CMYA5: variants seen among roughly 807,000 people sequenced by gnomAD.
CMYA5 encodes cardiomyopathy associated 5, also known as cardiomyopathy-associated protein 5.
A neutral mutation model predicts 318.9 loss-of-function variants in CMYA5; 246 were observed. The ratio of observed to expected loss-of-function variants is 0.77; its 90% CI spans 0.70 to 0.86. CMYA5 has a LOEUF of 0.86. Among genes scored for constraint, CMYA5 ranks in the 40% least tolerant of loss-of-function variants. The pLI, the probability that CMYA5 is intolerant of heterozygous loss-of-function variation, is 0.00. For missense variants in CMYA5, 4,589 were observed against 4,678.2 expected, an observed-to-expected ratio of 0.98 and a Z score of 0.56; for synonymous variants, 1,641 against 1,729.5, an observed-to-expected ratio of 0.95 and a Z score of 1.27.
At chr5:79,742,167 C>T (rs1229583556) in intron 2 of CMYA5, among the ~76,000 whole-genome samples, 1 of 143,770 alleles carries the variant, frequency 7.0e-6, no homozygotes, top group Non-Finnish European at 1.5e-5. Flanking sequence ...TTTCCCCCCT[C>T]CTCCTCCTCT....
intron 2 of CMYA5, among the ~76,000 whole-genome samples, chr5:79,739,696 G>A (rs1412095307): frequency 4.0e-5 from 6 of 151,816 alleles, no homozygotes; most frequent in Non-Finnish European, 7.4e-5. Context: ...AAAACAATAA[G>A]AGGGGGCTGG....
intron 5 of CMYA5, 64 bp from the exon 6 acceptor site, chr5:79,752,609 ATTT>A: frequency 3.3e-6 from 4 of 1,204,232 alleles, no homozygotes; most frequent in Non-Finnish European, 4.8e-6. Flanking sequence ...ATTTTGAACA[ATTT>A]TTTTCACTTT....
intron 9 of CMYA5, among the ~76,000 whole-genome samples, chr5:79,787,722 C>T (rs1829105702): frequency 6.6e-6 from 1 of 152,358 alleles, no homozygotes; most frequent in African/African-American, 2.4e-5. Flanking sequence ...CCCCTTACCC[C>T]TGCCTTCTGA....
chr5:79,787,922 A>G (rs950310149), intron 9 of CMYA5, among the ~76,000 whole-genome samples: 3 of 147,552 alleles, frequency 2.0e-5, no homozygotes, highest in East Asian at 2.0e-4. Context: ...CAGCAAAAGT[A>G]GAAATAACCT....
Position 79,734,311 on chromosome 5 carries a change from T to C in CMYA5, c.5546T>C (p.Leu1849Pro). Residue 1849 changes from leucine to proline, a missense_variant, in exon 2 of 13, where the codon CTG (leucine) becomes CCG (proline). Leu to Pro is a moderately conservative substitution (Grantham distance 98). Around this residue, in one of 3 missense-constraint regions of CMYA5, gnomAD observed 2,132 missense variants for 2,131.3 expected, o/e 1.00. Coordinates refer to ENST00000446378, the MANE Select transcript of CMYA5 (RefSeq NM_153610.5). ...VSTSSEDKQD[L>P]GIKQFSLMRE... is the part of the protein sequence containing the mutation. The stretch of plus-strand genomic sequence containing the variant: ...ACCTCTTCTGAAGATAAACAAGATC[T>C]GGGTATTAAGCAGTTTTCACTTATG... 1.2e-6 allele frequency: 2 copies of C among 1,613,784 alleles called. No individual in the cohort carries two copies. The highest frequency in any genetic ancestry group is 1.7e-6 in the Non-Finnish European group (2 of 1,179,790).
At chr5:79,789,884 G>A (rs894756815) in intron 10 of CMYA5, among the ~76,000 whole-genome samples, 2 of 152,180 alleles carry the variant, frequency 1.3e-5, no homozygotes, top group Admixed American at 6.5e-5. Flanking sequence ...GATAGTTAAT[G>A]TTTGTTGAAT....
chr5:79,709,960 C>CAAAAAAAAAAAAAA (rs61657639), intron 1 of CMYA5, among the ~76,000 whole-genome samples: 112 of 24,242 alleles, frequency 4.6e-3, no homozygotes, highest in Non-Finnish European at 6.4e-3. Context: ...GACTCCATCT[C>CAAAAAAAAAAAAAA]AAAAAAAAAA....
intron 1 of CMYA5, among the ~76,000 whole-genome samples, chr5:79,693,844 CAAATA>C (rs1193319053): frequency 2.6e-5 from 4 of 152,050 alleles, no homozygotes; most frequent in Non-Finnish European, 4.4e-5. Context: ...TTTGGGGAGA[CAAATA>C]AAACATATAG....
At chr5:79,764,797 A>C (rs1360875372) in intron 9 of CMYA5, among the ~76,000 whole-genome samples, 3 of 152,096 alleles carry the variant, frequency 2.0e-5, no homozygotes, top group African/African-American at 7.2e-5. Context: ...TCTTCTTTTG[A>C]GAAGTATCTG....
At chr5:79,792,578 C>T (rs1240052060) in intron 11 of CMYA5, among the ~76,000 whole-genome samples, 1 of 152,180 alleles carries the variant, frequency 6.6e-6, no homozygotes, top group Non-Finnish European at 1.5e-5. Flanking sequence ...TGAGTAAAGA[C>T]ATGAAAAGTG....
In CMYA5 at chr5:79,755,281, G is replaced by A. The variant is rs56914749; in HGVS notation, c.11110+2487G>A. Among the ~76,000 whole-genome samples, 861 of 151,734 alleles carry A rather than the reference G, an allele frequency of 5.7e-3. 7 individuals carry two copies. Among genetic ancestry groups the A allele is most frequent in the African/African-American group, 0.02 (837 of 41,376 alleles). On this transcript the variant is annotated intron_variant, in intron 6 of 12. Coordinates refer to ENST00000446378, the MANE Select transcript of CMYA5 (RefSeq NM_153610.5). ...TAAACTTTCATTTTGGTATTTTTTG[G>A]TATCATACCTTTTTTTTTTTCCCCA...
intron 12 of CMYA5, among the ~76,000 whole-genome samples, chr5:79,796,649 C>T (rs887027464): frequency 3.0e-4 from 46 of 152,226 alleles, no homozygotes; most frequent in Non-Finnish European, 1.5e-5. Context: ...ATCTGCCTGC[C>T]TTGGCCTCCC....
At chr5:79,704,689 G>T (rs1827237398) in intron 1 of CMYA5, among the ~76,000 whole-genome samples, 1 of 152,080 alleles carries the variant, frequency 6.6e-6, no homozygotes, top group African/African-American at 2.4e-5. Context: ...GAGAGAGAGA[G>T]AGGGAGAGAA....
Position 79,730,544 on chromosome 5 carries a change from T to C in CMYA5, c.1779T>C (p.Ala593=), listed in dbSNP as rs746478751. Residue 593 remains alanine (A), a synonymous_variant, in exon 2 of 13, where the codon GCT becomes GCC. Transcript: ENST00000446378. ...TTGCATCTGTTTCTACTGGTTCTGCTTTTGTATCAGAGTATTCAGTACCAC... is the reference window on the plus strand; with the variant it reads ...TTGCATCTGTTTCTACTGGTTCTGCCTTTGTATCAGAGTATTCAGTACCAC... ...EEIASVSTGS[A]FVSEYSVPQD... is the part of the protein sequence containing the mutation. 3.1e-6 allele frequency: 5 copies of C among 1,613,892 alleles called. No individual in the cohort carries two copies.
chr5:79,698,536 T>A (rs1827116497), intron 1 of CMYA5, among the ~76,000 whole-genome samples: 1 of 152,210 alleles, frequency 6.6e-6, no homozygotes. Flanking sequence ...AATGAGCTTG[T>A]TCCTCATCCA....
intron 12 of CMYA5, among the ~76,000 whole-genome samples, chr5:79,797,867 A>C (rs576868117): frequency 6.6e-6 from 1 of 151,978 alleles, no homozygotes; most frequent in Non-Finnish European, 1.5e-5. Context: ...TGCTGCCCTT[A>C]CTGTGTGGAT....
Position 79,736,334 on chromosome 5 carries a change from C to T in CMYA5, c.7569C>T (p.Tyr2523=), listed in dbSNP as rs1238190135. 2 of 1,613,376 alleles carry T rather than the reference C, an allele frequency of 1.2e-6. No homozygotes were observed. The highest frequency in any genetic ancestry group is 1.1e-5 in the South Asian group (1 of 91,040). ...MPQHFYQNED[Y]NERPKIIVGS... is the part of the protein sequence containing the mutation. ...AGCACTTCTATCAAAATGAAGACTA[C>T]AATGAAAGACCCAAAATCATTGTTG... Residue 2523 remains tyrosine (Y), a synonymous_variant, in exon 2 of 13, where the codon TAC becomes TAT. Coordinates refer to ENST00000446378, the MANE Select transcript of CMYA5 (RefSeq NM_153610.5).
rs555811239 is a variant in CMYA5 at position 79,690,188 on chromosome 5, C to T, written c.149+132C>T. 88 of 1,284,316 alleles carry T rather than the reference C, an allele frequency of 6.9e-5. No homozygotes were observed. The South Asian group carries it at 1.6e-3, about 24-fold the overall frequency. 79.6% of individuals were successfully genotyped at this position (1,284,316 alleles called of 1,614,324 possible). On this transcript the variant is annotated intron_variant, in intron 1 of 12. Transcript: ENST00000446378. ...GGCACTTTCTCTCTGGGTGCACTGTCGTTTAAAAGAACTTGAAGGTGAAGG... is the reference window on the plus strand; with the variant it reads ...GGCACTTTCTCTCTGGGTGCACTGTTGTTTAAAAGAACTTGAAGGTGAAGG...
chr5:79,761,975 A>C lies in CMYA5; in HGVS notation c.11407+18A>C. 1 of 1,605,944 alleles carries C rather than the reference A, an allele frequency of 6.2e-7. No homozygotes were observed. Among genetic ancestry groups the C allele is most frequent in the Non-Finnish European group, 8.5e-7 (1 of 1,176,374 alleles). The stretch of plus-strand genomic sequence containing the variant: ...TAGGACAGGTAAGGAGATGGATGCT[A>C]AGGGTGCATTAGAAGACAACGCTCA... On this transcript the variant is annotated intron_variant, in intron 8 of 12. Coordinates refer to ENST00000446378, the MANE Select transcript of CMYA5 (RefSeq NM_153610.5).
Sources: gnomAD v4.1 joint callset for allele counts (sites outside exome capture counted in the v4.1 genomes callset) on GRCh38, gnomAD v4.1.1 for gene constraint, gnomAD v4.1.1 regional missense constraint, MANE v1.5 for transcripts, NCBI Gene and HGNC (gene_info 2026-07-23, HGNC 2026-07-21) for gene names.